BOLL: variants seen among roughly 807,000 people sequenced by gnomAD.
The protein encoded by BOLL is boule RNA binding protein.
A neutral mutation model predicts 44.4 loss-of-function variants in BOLL; 23 were observed. That is an observed-to-expected ratio of 0.52 (90% CI 0.37 to 0.73). The LOEUF is 0.73. BOLL is among the 30% of genes least tolerant of loss of function. BOLL has a pLI of 0.00. For missense variants in BOLL, 287 were observed against 338.3 expected, an observed-to-expected ratio of 0.85 and a Z score of 1.19; for synonymous variants, 97 against 110.8, an observed-to-expected ratio of 0.88 and a Z score of 0.78.
chr2:197,760,416 C>A (rs921204034), intron 7 of BOLL, among the ~76,000 whole-genome samples: 1 of 152,160 alleles, frequency 6.6e-6, no homozygotes, highest in Non-Finnish European at 1.5e-5. Context: ...CCCAGGCCAG[C>A]GAAGGAGCCA....
At chr2:197,730,630 C>T (rs1369331599) in intron 10 of BOLL, among the ~76,000 whole-genome samples, 2 of 148,634 alleles carry the variant, frequency 1.3e-5, no homozygotes, top group Admixed American at 6.7e-5. Context: ...AGAAACCCTA[C>T]AAGCCAGAAG....
At chr2:197,740,804 T>G (rs1316357291) in intron 10 of BOLL, among the ~76,000 whole-genome samples, 1 of 152,136 alleles carries the variant, frequency 6.6e-6, no homozygotes, top group Non-Finnish European at 1.5e-5. Context: ...GGAAAAGGTT[T>G]GAAAACAATG....
intron 6 of BOLL, among the ~76,000 whole-genome samples, chr2:197,769,675 G>T (rs1332317239): frequency 6.6e-6 from 1 of 152,092 alleles, no homozygotes; most frequent in Non-Finnish European, 1.5e-5. Context: ...AAATCGATGT[G>T]CAAAAATCAC....
At chr2:197,751,810 C>T (rs890549429) in intron 9 of BOLL, among the ~76,000 whole-genome samples, 9 of 151,626 alleles carry the variant, frequency 5.9e-5, no homozygotes, top group African/African-American at 2.2e-4. Context: ...CCAGCATCAT[C>T]CTGATACCAA....
At position 197,781,644 on chromosome 2, in the gene BOLL, G is replaced by A. The variant is rs1025673651; in HGVS notation, c.129+78C>T. 2.3e-5 allele frequency: 29 copies of A among 1,257,766 alleles called. No individual in the cohort carries two copies. In the East Asian group the frequency reaches 2.5e-4, roughly 11 times the overall value. 77.9% of individuals were successfully genotyped at this position (1,257,766 alleles called of 1,614,324 possible). A position where few individuals can be genotyped will look rare whatever the true frequency, so the allele number is the denominator to read the frequency against. ...CATTATGCAAATATGTTATTTTATA[G>A]TTGCACAAAGAAATAATTTCTGAGA... is the stretch of plus-strand genomic sequence containing the variant. On this transcript the variant is annotated intron_variant, in intron 2 of 10. Transcript: ENST00000392296.
At chr2:197,775,198 T>G (rs1689453069) in intron 5 of BOLL, among the ~76,000 whole-genome samples, 1 of 151,816 alleles carries the variant, frequency 6.6e-6, no homozygotes, top group Non-Finnish European at 1.5e-5. Context: ...CTTTAGGGAT[T>G]GTCCCCCTGA....
At position 197,755,835 on chromosome 2, in the gene BOLL, G is replaced by C. The variant is rs1315922418; in HGVS notation, c.729+593C>G. 2.0e-5 allele frequency: 3 copies of C among 152,088 alleles called. No individual in the cohort carries two copies. The East Asian group carries it at 5.8e-4, about 29-fold the overall frequency. The allele number at this position is 152,088 out of a possible 1,614,324, so 9.4% of individuals were successfully genotyped here. A position where few individuals can be genotyped will look rare whatever the true frequency, so the allele number is the denominator to read the frequency against. Reference sequence around the variant, plus strand: ...GTTGATAGATGCAGCAAACCAACATGGCACAGGTTTACCTATGTAATAAAC... The same window carrying C: ...GTTGATAGATGCAGCAAACCAACATCGCACAGGTTTACCTATGTAATAAAC... On this transcript the variant is annotated intron_variant, in intron 9 of 10. Coordinates refer to ENST00000392296, the MANE Select transcript of BOLL (RefSeq NM_033030.6).
chr2:197,747,841 G>C (rs182722546), intron 9 of BOLL, among the ~76,000 whole-genome samples: 1 of 152,160 alleles, frequency 6.6e-6, no homozygotes, highest in Non-Finnish European at 1.5e-5. Flanking sequence ...GAACAGGATA[G>C]AGAACTCAAA....
In BOLL at chr2:197,727,367, C is replaced by T. The variant is rs919882728; in HGVS notation, c.*1188G>A. 6.6e-6 allele frequency: 1 copy of T among 152,260 alleles called. No homozygotes were observed. The highest frequency in any genetic ancestry group is 2.4e-5 in the African/African-American group (1 of 41,390). 9.4% of individuals were successfully genotyped at this position (152,260 alleles called of 1,614,324 possible). A position where few individuals can be genotyped will look rare whatever the true frequency, so the allele number is the denominator to read the frequency against. On this transcript the variant is annotated 3_prime_UTR_variant, in exon 11 of 11. Coordinates refer to ENST00000392296, the MANE Select transcript of BOLL (RefSeq NM_033030.6). Reference sequence around the variant, plus strand: ...ACCAACTTTTATGGCTCCCCCTGCCCCCTCCACCTAAAATTAGGAGGTCAG... The same window carrying T: ...ACCAACTTTTATGGCTCCCCCTGCCTCCTCCACCTAAAATTAGGAGGTCAG...
chr2:197,760,141 C>T (rs1040230030), intron 7 of BOLL, among the ~76,000 whole-genome samples: 17 of 152,158 alleles, frequency 1.1e-4, no homozygotes, highest in Non-Finnish European at 2.4e-4. Context: ...TAGCCCTGTG[C>T]CTGCATTCTG....
chr2:197,742,413 C>A (rs1687786335), intron 10 of BOLL, among the ~76,000 whole-genome samples: 2 of 152,142 alleles, frequency 1.3e-5, no homozygotes, highest in South Asian at 4.1e-4. Flanking sequence ...TGGAACCAAC[C>A]CAAATGTCCA....
chr2:197,750,326 G>A lies in BOLL; in HGVS notation c.729+6102C>T, dbSNP rs145862161. Among the ~76,000 whole-genome samples the A allele has an allele frequency of 2.5e-3, 373 of 152,190 alleles. 2 individuals carry two copies. Among genetic ancestry groups the A allele is most frequent in the Non-Finnish European group, 2.6e-3 (177 of 68,016 alleles). ...AACTTAAAAGGTAAATGGGCTAAAC[G>A]CCCCAATTAAAAGACACAGACTGGC... On this transcript the variant is annotated intron_variant, in intron 9 of 10. Transcript: ENST00000392296.
intron 9 of BOLL, among the ~76,000 whole-genome samples, chr2:197,752,903 A>G (rs1387064013): frequency 6.6e-6 from 1 of 152,312 alleles, no homozygotes; most frequent in East Asian, 1.9e-4. Context: ...ACTTCAAACT[A>G]TACTACAAGG....
intron 9 of BOLL, among the ~76,000 whole-genome samples, chr2:197,754,343 C>T (rs1009531182): frequency 6.6e-6 from 1 of 151,998 alleles, no homozygotes; most frequent in African/African-American, 2.4e-5. Flanking sequence ...GAAACTGGAC[C>T]CGTTCCTTAC....
intron 2 of BOLL, among the ~76,000 whole-genome samples, chr2:197,781,212 T>C (rs1574871168): frequency 6.6e-6 from 1 of 152,080 alleles, no homozygotes. Flanking sequence ...CAGGACTTTT[T>C]TGGTGATCAA....
intron 8 of BOLL, 79 bp from the exon 9 acceptor site, chr2:197,756,635 G>A: frequency 7.5e-7 from 1 of 1,331,352 alleles, no homozygotes. Flanking sequence ...CAACAGATGA[G>A]AGAAGTACTT....
At chr2:197,758,494 T>G (rs1381788976) in intron 7 of BOLL, among the ~76,000 whole-genome samples, 2 of 152,200 alleles carry the variant, frequency 1.3e-5, no homozygotes, top group African/African-American at 2.4e-5. Context: ...GATTACTGGT[T>G]GCCTAGCACT....
intron 9 of BOLL, among the ~76,000 whole-genome samples, chr2:197,751,231 A>C (rs941998453): frequency 6.6e-6 from 1 of 152,188 alleles, no homozygotes. Flanking sequence ...CATTACAATT[A>C]AAAGAACTAG....
At chr2:197,777,160 G>T in intron 3 of BOLL, 47 bp from the exon 4 acceptor site, 1 of 1,255,206 alleles carries the variant, frequency 8.0e-7, no homozygotes, top group Non-Finnish European at 1.1e-6. Flanking sequence ...TTCTTAGAAT[G>T]TTATATTAAT....
Sources: allele counts gnomAD v4.1 joint callset (sites outside exome capture counted in the v4.1 genomes callset), GRCh38; gene constraint gnomAD v4.1.1; transcripts MANE v1.5; gene names NCBI Gene and HGNC (gene_info 2026-07-23, HGNC 2026-07-21).